Variants in CACNA1D observed in about 807,000 individuals in gnomAD.
CACNA1D encodes the protein voltage-dependent L-type calcium channel subunit alpha-1D.
In CACNA1D, 55 loss-of-function variants were observed where a neutral mutation model predicts 257.1. That is an observed-to-expected ratio of 0.21 (90% CI 0.17 to 0.27). The LOEUF (loss-of-function observed/expected upper bound fraction) is 0.27, where lower values mean the gene tolerates loss of function less well. Ranked by LOEUF, CACNA1D falls within the 10% of genes least tolerant of loss-of-function variation. The pLI is 1.00. For missense variants in CACNA1D, 1,876 were observed against 2,784.0 expected, an observed-to-expected ratio of 0.67 and a Z score of 7.34; for synonymous variants, 980 against 1,014.9, an observed-to-expected ratio of 0.97 and a Z score of 0.65.
intron 20 of CACNA1D, among the ~76,000 whole-genome samples, chr3:53,738,091 A>G (rs80193626): frequency 0.023 from 3,516 of 152,336 alleles, 73 homozygotes; most frequent in Non-Finnish European, 0.03. Flanking sequence ...AAACCCGACC[A>G]GCAGAGGGAG....
Position 53,744,767 on chromosome 3 carries a change from T to G in CACNA1D, c.2946T>G (p.Ile982Met). 1 of 1,610,072 alleles carries G rather than the reference T, an allele frequency of 6.2e-7. No individual in the cohort carries two copies. The highest frequency in any genetic ancestry group is 8.5e-7 in the Non-Finnish European group (1 of 1,176,258). Residue 982 changes from isoleucine to methionine, a missense_variant, in exon 23 of 48, where the codon ATT becomes ATG. By Grantham distance (10) the Ile-to-Met change is conservative. Coordinates refer to ENST00000350061, the MANE Select transcript of CACNA1D (RefSeq NM_001128840.3). ...IQSSAISVVK[I>M]LRVLRVLRPL... ...CCAGTGCCATCTCCGTTGTGAAGAT[T>G]CTGAGGGTCTTAAGGGTCCTGCGTC...
chr3:53,795,533 A>G (rs1203799088), intron 40 of CACNA1D, among the ~76,000 whole-genome samples: 1 of 152,334 alleles, frequency 6.6e-6, no homozygotes, highest in South Asian at 2.1e-4. Flanking sequence ...ATTTAACCAC[A>G]TGGGAATAAC....
intron 8 of CACNA1D, among the ~76,000 whole-genome samples, chr3:53,693,633 G>T (rs1054813034): frequency 1.3e-5 from 2 of 152,080 alleles, no homozygotes; most frequent in Admixed American, 6.6e-5. Flanking sequence ...TCTAAAGAAG[G>T]CTGGACTCCC....
intron 29 of CACNA1D, among the ~76,000 whole-genome samples, chr3:53,761,790 G>A (rs2095304266): frequency 6.6e-6 from 1 of 152,088 alleles, no homozygotes; most frequent in Non-Finnish European, 1.5e-5. Flanking sequence ...GTGTGCGTGG[G>A]CGTGCACCTT....
intron 3 of CACNA1D, among the ~76,000 whole-genome samples, chr3:53,572,135 A>G (rs544187516): frequency 2.3e-4 from 35 of 152,074 alleles, no homozygotes; most frequent in Non-Finnish European, 4.3e-4. Context: ...ACCTGTTGCT[A>G]TTCTAGACTT....
At chr3:53,747,272 C>A in intron 25 of CACNA1D, 30 bp from the exon 26 acceptor site, 1 of 1,609,664 alleles carries the variant, frequency 6.2e-7, no homozygotes, top group South Asian at 1.1e-5. Flanking sequence ...TGTGTGAAGC[C>A]AGACGACCCA....
chr3:53,691,722 C>CAG (rs1559521972), intron 8 of CACNA1D, among the ~76,000 whole-genome samples: 1 of 57,858 alleles, frequency 1.7e-5, no homozygotes, highest in Non-Finnish European at 3.5e-5. Flanking sequence ...ATATATATTA[C>CAG]ATATATAATA....
In CACNA1D at chr3:53,812,644, G is replaced by C. The variant is rs1195784151; in HGVS notation, c.*1238G>C. 6.6e-6 allele frequency: 1 copy of C among 152,070 alleles called. No homozygotes were observed. Among genetic ancestry groups the C allele is most frequent in the Non-Finnish European group, 1.5e-5 (1 of 68,016 alleles). The allele number at this position is 152,070 out of a possible 1,614,324, so 9.4% of individuals were successfully genotyped here. ...GTCCAGCTGGCTGCTCTGCCCCTTG[G>C]GTATCCATAGTTACGGTTTTCTCTG... On this transcript the variant is annotated 3_prime_UTR_variant, in exon 48 of 48. Transcript: ENST00000350061.
chr3:53,660,094 A>G, intron 4 of CACNA1D, 39 bp from the exon 5 acceptor site: 1 of 1,595,204 alleles, frequency 6.3e-7, no homozygotes, highest in Non-Finnish European at 8.6e-7. Context: ...TCCCTGGGGT[A>G]ACAGACTCTA....
At position 53,511,050 on chromosome 3, in the gene CACNA1D, T is replaced by C. The variant is rs1204068283; in HGVS notation, c.483+9330T>C. Among the ~76,000 whole-genome samples, 3 of 152,344 alleles carry C rather than the reference T, an allele frequency of 2.0e-5. No homozygotes were observed. The East Asian group carries it at 5.8e-4, about 29-fold the overall frequency. Reference sequence around the variant, plus strand: ...GTTTGCTTGCTACGGACTGGTTTCATGACAAATACTGCCTTTATGTCCCTG... The same window carrying C: ...GTTTGCTTGCTACGGACTGGTTTCACGACAAATACTGCCTTTATGTCCCTG... On this transcript the variant is annotated intron_variant, in intron 3 of 47. Transcript: ENST00000350061.
intron 37 of CACNA1D, among the ~76,000 whole-genome samples, chr3:53,778,217 T>C (rs1224708553): frequency 2.0e-5 from 3 of 152,306 alleles, no homozygotes; most frequent in East Asian, 1.9e-4. Flanking sequence ...TTCCATAAAC[T>C]TCCCAGTACT....
intron 3 of CACNA1D, among the ~76,000 whole-genome samples, chr3:53,539,855 T>G (rs2092247934): frequency 6.6e-6 from 1 of 152,266 alleles, no homozygotes; most frequent in African/African-American, 2.4e-5. Flanking sequence ...GGTTAAACAC[T>G]TCTCCATATG....
At chr3:53,500,052 T>C (rs754516646) in intron 2 of CACNA1D, among the ~76,000 whole-genome samples, 2 of 151,902 alleles carry the variant, frequency 1.3e-5, no homozygotes, top group Non-Finnish European at 2.9e-5. Context: ...CTTTTTTTCG[T>C]TGAGTTATGA....
intron 20 of CACNA1D, among the ~76,000 whole-genome samples, chr3:53,739,077 T>G (rs759497068): frequency 9.2e-5 from 14 of 152,216 alleles, no homozygotes; most frequent in Non-Finnish European, 1.5e-4. Flanking sequence ...AGAGAGAGAC[T>G]GGGCTTGAAA....
At chr3:53,538,988 A>G (rs1333971898) in intron 3 of CACNA1D, among the ~76,000 whole-genome samples, 1 of 152,172 alleles carries the variant, frequency 6.6e-6, no homozygotes, top group Non-Finnish European at 1.5e-5. Flanking sequence ...TGTTTATGGT[A>G]ATGACTTCCT....
At chr3:53,794,597 T>C (rs967450311) in intron 40 of CACNA1D, among the ~76,000 whole-genome samples, 1 of 152,238 alleles carries the variant, frequency 6.6e-6, no homozygotes, top group Admixed American at 6.5e-5. Context: ...TCAGCAGTTA[T>C]CAAACTTTTT....
intron 3 of CACNA1D, among the ~76,000 whole-genome samples, chr3:53,614,798 C>G (rs552853356): frequency 2.6e-5 from 4 of 152,294 alleles, no homozygotes; most frequent in African/African-American, 4.8e-5. Flanking sequence ...AACTTGGTTA[C>G]AAGTGAAGAA....
At chr3:53,499,269 A>G (rs562524607) in intron 2 of CACNA1D, among the ~76,000 whole-genome samples, 29 of 152,236 alleles carry the variant, frequency 1.9e-4, no homozygotes, top group African/African-American at 7.0e-4. Context: ...CCTGTTTACA[A>G]ATGGGACAGT....
At chr3:53,743,860 C>T (rs1458271735) in intron 22 of CACNA1D, among the ~76,000 whole-genome samples, 3 of 151,962 alleles carry the variant, frequency 2.0e-5, no homozygotes, top group African/African-American at 7.3e-5. Flanking sequence ...TGGAAAGGAC[C>T]TGCCCTCCTA....
Sources: allele counts gnomAD v4.1 joint callset (sites outside exome capture counted in the v4.1 genomes callset), GRCh38; gene constraint gnomAD v4.1.1; transcripts MANE v1.5; gene names NCBI Gene and HGNC (gene_info 2026-07-23, HGNC 2026-07-21).